The following SNAPC4 variants were observed in gnomAD, a reference collection of about 807,000 sequenced individuals.
SNAPC4 encodes snRNA-activating protein complex subunit 4.
A neutral mutation model predicts 151.3 loss-of-function variants in SNAPC4; 127 were observed. The observed-to-expected ratio is 0.84, with a 90% CI of 0.73 to 0.97. The LOEUF (loss-of-function observed/expected upper bound fraction) is 0.97, where lower values mean the gene tolerates loss of function less well. Ranked by LOEUF, SNAPC4 falls within the 50% of genes least tolerant of loss-of-function variation. The probability of loss-of-function intolerance (pLI) is 0.00; values close to 1 mark genes in which losing one functional copy is unlikely to be tolerated. For missense variants in SNAPC4, 2,186 were observed against 1,935.0 expected (o/e 1.13, Z -2.43); for synonymous variants, 1,002 against 824.4 (o/e 1.22, Z -3.69).
chr9:136,391,801 G>A lies in SNAPC4; in HGVS notation c.975+141C>T. On this transcript the variant is annotated intron_variant, in intron 10 of 23. Transcript: ENST00000684778. ...GGGCTGGGCAGGCTCCTTCCCTAGG[G>A]CCACAGCCTGGAGGTGGCAACACAT... The A allele has an allele frequency of 4.4e-6, 4 of 899,846 alleles. No individual in the cohort carries two copies. In the South Asian group the frequency reaches 6.9e-5, roughly 16 times the overall value. 55.7% of individuals were successfully genotyped at this position (899,846 alleles called of 1,614,324 possible).
At chr9:136,395,508 C>G in intron 4 of SNAPC4, 85 bp from the exon 5 acceptor site, 1 of 1,571,538 alleles carries the variant, frequency 6.4e-7, no homozygotes, top group Non-Finnish European at 8.6e-7. Flanking sequence ...AGAGGAGAGG[C>G]AGGGAGCTGG....
intron 5 of SNAPC4, 106 bp downstream of exon 5, chr9:136,395,192 T>A (rs952256879): frequency 7.0e-7 from 1 of 1,426,174 alleles, no homozygotes; most frequent in Non-Finnish European, 9.6e-7. Context: ...GCCAATGTTA[T>A]CTTGAACTCA....
At position 136,377,629 on chromosome 9, in the gene SNAPC4, T is replaced by A. The variant is rs1471893697; in HGVS notation, c.4198A>T (p.Ser1400Cys). 1 of 1,579,046 alleles carries A rather than the reference T, an allele frequency of 6.3e-7. No individual in the cohort carries two copies. The highest frequency in any genetic ancestry group is 1.8e-5 in the Admixed American group (1 of 55,024). Residue 1400 changes from serine (S) to cysteine (C), a missense_variant, in exon 22 of 24, where the codon AGT (serine) becomes TGT (cysteine). Ser to Cys is a moderately radical substitution (Grantham distance 112). Coordinates refer to ENST00000684778, the MANE Select transcript of SNAPC4 (RefSeq NM_003086.4). ...LSVPSRVGSE[S>C]EDEDLLSELE... ...TCACTCAGGAGGTCTTCATCCTCAC[T>A]CTCAGAGCCCACCCTCGAAGGTACT...
intron 5 of SNAPC4, 115 bp from the exon 6 acceptor site, chr9:136,394,993 C>G (rs946794567): frequency 1.0e-6 from 1 of 966,536 alleles, no homozygotes; most frequent in Non-Finnish European, 1.5e-6. Context: ...CCTGTTCTCC[C>G]GTACTGTGAG....
intron 3 of SNAPC4, 21 bp downstream of exon 3, chr9:136,396,956 C>A (rs1472075420): frequency 1.2e-6 from 2 of 1,611,436 alleles, no homozygotes; most frequent in Non-Finnish European, 1.7e-6. Context: ...AGTGGCACAG[C>A]CAGATCAGGC....
chr9:136,398,438 C>T lies in SNAPC4; in HGVS notation c.-9-1G>A, dbSNP rs1834348273. ...CAGCATCTACATCCATGACTCCCGC[C>T]TGCCTCCAAAACACACCCCGAGATG... On this transcript the variant is annotated splice_acceptor_variant, in intron 1 of 23. Coordinates refer to ENST00000684778, the MANE Select transcript of SNAPC4 (RefSeq NM_003086.4). LOFTEE classifies it low-confidence loss of function (5UTR_SPLICE). The T allele has an allele frequency of 1.2e-6, 2 of 1,611,144 alleles. No homozygotes were observed. The highest frequency in any genetic ancestry group is 1.7e-6 in the Non-Finnish European group (2 of 1,177,584).
intron 21 of SNAPC4, 149 bp from the exon 22 acceptor site, chr9:136,379,448 C>G: frequency 7.6e-7 from 1 of 1,310,238 alleles, no homozygotes; most frequent in Non-Finnish European, 1.0e-6. Context: ...CTGGGTCTCC[C>G]AAGTCACAGT....
chr9:136,394,139 A>G, intron 7 of SNAPC4, 110 bp downstream of exon 7: 2 of 885,616 alleles, frequency 2.3e-6, no homozygotes, highest in Non-Finnish European at 3.8e-6. Flanking sequence ...GCTGGGCTTG[A>G]ACTGGGTTCA....
intron 17 of SNAPC4, 75 bp downstream of exon 17, chr9:136,382,178 G>A (rs1178595696): frequency 1.6e-5 from 25 of 1,592,270 alleles, no homozygotes; most frequent in South Asian, 1.6e-4. Context: ...GGGCATGATC[G>A]ACGGGGAGAG....
chr9:136,393,790 T>A (rs1019839882), intron 7 of SNAPC4, among the ~76,000 whole-genome samples: 3 of 152,216 alleles, frequency 2.0e-5, no homozygotes, highest in African/African-American at 4.8e-5. Flanking sequence ...GGAAGGGGCA[T>A]AAAGTCCAGG....
chr9:136,383,282 C>A lies in SNAPC4; in HGVS notation c.1887G>T (p.Gln629His), dbSNP rs1343754018. Reference protein sequence around the residue: ...AAPGEETSPVQVPARAHGPVP... With the variant: ...AAPGEETSPVHVPARAHGPVP... Reference sequence around the variant, plus strand: ...CAGGGCCGTGGGCCCTGGCAGGGACCTGCACCGGACTCGTCTCCTCTCCAG... The same window carrying A: ...CAGGGCCGTGGGCCCTGGCAGGGACATGCACCGGACTCGTCTCCTCTCCAG... The change falls in exon 16 of 24, where the codon CAG becomes CAT. Residue 629 changes from glutamine to histidine, a missense_variant. Transcript: ENST00000684778. The surrounding 1 kb of genome is among the most constrained non-coding windows in gnomAD (Gnocchi z 4.2). 1.2e-6 allele frequency: 2 copies of A among 1,612,210 alleles called. No individual in the cohort carries two copies. The highest frequency in any genetic ancestry group is 3.3e-5 in the Admixed American group (2 of 59,962).
chr9:136,397,620 C>T (rs1218604415), intron 2 of SNAPC4, among the ~76,000 whole-genome samples: 1 of 93,444 alleles, frequency 1.1e-5, no homozygotes, highest in Non-Finnish European at 2.1e-5. Context: ...GAGGGGAGCA[C>T]GTGGGGTGGG....
chr9:136,391,860 C>T (rs542881637), intron 10 of SNAPC4, 82 bp downstream of exon 10: 31 of 1,459,082 alleles, frequency 2.1e-5, no homozygotes, highest in South Asian at 1.4e-4. Flanking sequence ...CTGGGGACCC[C>T]GCACCCGTCC....
In SNAPC4 at chr9:136,378,312, G is replaced by T; in HGVS notation, c.3515C>A (p.Ala1172Asp). ...CACCTGGGCCTCTCCAGGGACAAAG[G>T]CCACACTGCCATCCGCTTCTGCAGG... ...QSPAEADGSV[A>D]FVPGEAQVAR... The change falls in exon 22 of 24, where the codon GCC becomes GAC. Residue 1172 changes from alanine (A) to aspartate (D), a missense_variant. Coordinates refer to ENST00000684778, the MANE Select transcript of SNAPC4 (RefSeq NM_003086.4). 6.2e-7 allele frequency: 1 copy of T among 1,604,134 alleles called. No individual in the cohort carries two copies. The highest frequency in any genetic ancestry group is 8.5e-7 in the Non-Finnish European group (1 of 1,175,980).
Position 136,383,255 on chromosome 9 carries a change from G to A in SNAPC4, c.1914C>T (p.Val638=). 6.2e-7 allele frequency: 1 copy of A among 1,607,666 alleles called. No homozygotes were observed. The highest frequency in any genetic ancestry group is 8.5e-7 in the Non-Finnish European group (1 of 1,177,470). The change falls in exon 16 of 24, where the codon GTC becomes GTT. Residue 638 remains valine (V), a synonymous_variant. Transcript: ENST00000684778. The surrounding 1 kb of genome is among the most constrained non-coding windows in gnomAD (Gnocchi z 4.2). The stretch of plus-strand genomic sequence containing the variant: ...AGTGGGAGGCCTGGGCAGACCTCGG[G>A]ACAGGGCCGTGGGCCCTGGCAGGGA... ...VQVPARAHGP[V]PRSAQASHSA... is the part of the protein sequence containing the mutation.
Position 136,381,943 on chromosome 9 carries a change from T to C in SNAPC4, c.2198A>G (p.His733Arg), listed in dbSNP as rs758927161. The stretch of plus-strand genomic sequence containing the variant: ...GTTCAGGAGCCTCCGGTGCAGAGCG[T>C]GTCTCCAGCGCCGCTGCCCACTCTG... Reference protein sequence around the residue: ...ATQSGQRRWRHALHRRLLNRR... With the variant: ...ATQSGQRRWRRALHRRLLNRR... The change falls in exon 18 of 24, where the codon CAC (histidine) becomes CGC (arginine). Residue 733 changes from histidine to arginine, a missense_variant. Coordinates refer to ENST00000684778, the MANE Select transcript of SNAPC4 (RefSeq NM_003086.4). The C allele has an allele frequency of 6.2e-7, 1 of 1,612,678 alleles. No individual in the cohort carries two copies. The highest frequency in any genetic ancestry group is 1.7e-5 in the Admixed American group (1 of 59,992).
intron 10 of SNAPC4, 67 bp downstream of exon 10, chr9:136,391,875 G>A: frequency 1.3e-6 from 2 of 1,525,688 alleles, no homozygotes; most frequent in Non-Finnish European, 1.8e-6. Context: ...CCGTCCAGCA[G>A]CCTCCCGCTA....
chr9:136,378,020 C>T lies in SNAPC4; in HGVS notation c.3807G>A (p.Leu1269=). 2 of 1,592,992 alleles carry T rather than the reference C, an allele frequency of 1.3e-6. No homozygotes were observed. The highest frequency in any genetic ancestry group is 1.3e-5 in the African/African-American group (1 of 74,588). Residue 1269 remains leucine, a synonymous_variant, in exon 22 of 24, where the codon CTG becomes CTA. Transcript: ENST00000684778. The stretch of plus-strand genomic sequence containing the variant: ...CCTCCTGGGACAGCAGGCCCAGGTC[C>T]AGGGCCCCCTTCTCAGGCCCAGGCT... ...LPQPGPEKGA[L]DLGLLSQEGE...
intron 1 of SNAPC4, among the ~76,000 whole-genome samples, chr9:136,399,312 C>CGA (rs1834375000): frequency 6.6e-6 from 1 of 152,230 alleles, no homozygotes; most frequent in Non-Finnish European, 1.5e-5. Flanking sequence ...TTAGCCGCAT[C>CGA]AGCAGCCCAG....
Sources: allele counts gnomAD v4.1 joint callset (sites outside exome capture counted in the v4.1 genomes callset), GRCh38; gene constraint gnomAD v4.1.1; non-coding constraint Gnocchi (gnomAD v3.1); transcripts MANE v1.5; gene names NCBI Gene and HGNC (gene_info 2026-07-23, HGNC 2026-07-21).